BCAS3: variants seen among roughly 807,000 people sequenced by gnomAD.
BCAS3 encodes the protein BCAS4/BCAS3 fusion.
A neutral mutation model predicts 116.1 loss-of-function variants in BCAS3; 53 were observed. That is an observed-to-expected ratio of 0.46 (90% CI 0.37 to 0.57). BCAS3 has a LOEUF of 0.57. Ranked by LOEUF, BCAS3 falls within the 20% of genes least tolerant of loss-of-function variation. The pLI, the probability that BCAS3 is intolerant of heterozygous loss-of-function variation, is 0.00. For missense variants in BCAS3, 917 were observed against 1,165.4 expected, an observed-to-expected ratio of 0.79 and a Z score of 3.10; for synonymous variants, 391 against 408.2, an observed-to-expected ratio of 0.96 and a Z score of 0.51.
In BCAS3 at chr17:61,225,775, G is replaced by A. The variant is rs16945040; in HGVS notation, c.2425+141211G>A. Among the ~76,000 whole-genome samples the A allele has an allele frequency of 2.7e-3, 409 of 152,212 alleles. 3 individuals carry two copies. Among genetic ancestry groups the A allele is most frequent in the African/African-American group, 9.4e-3 (391 of 41,516 alleles). On this transcript the variant is annotated intron_variant, in intron 22 of 23. Coordinates refer to ENST00000407086, the MANE Select transcript of BCAS3 (RefSeq NM_017679.5). ...CTTAGGTGTCTTGTATTTGATGCAC[G>A]TGTAATCAGTTTACTCTCCCAGCTC...
At chr17:61,266,099 T>A (rs958654327) in intron 22 of BCAS3, among the ~76,000 whole-genome samples, 1 of 152,232 alleles carries the variant, frequency 6.6e-6, no homozygotes, top group Admixed American at 6.5e-5. Flanking sequence ...TTCATTAAAA[T>A]GATATCTCTT....
rs149205492 is a variant in BCAS3 at position 61,185,940 on chromosome 17, A to G, written c.2425+101376A>G. On this transcript the variant is annotated intron_variant, in intron 22 of 23. Coordinates refer to ENST00000407086, the MANE Select transcript of BCAS3 (RefSeq NM_017679.5). The stretch of plus-strand genomic sequence containing the variant: ...TCTTATCCTCAAGTTGAAAATACTG[A>G]CTAAGAAAATACAAAATATAAGAAA... 7.1e-3 allele frequency among the ~76,000 whole-genome samples: 1,087 copies of G among 152,264 alleles called. 9 individuals are homozygous for G. The highest frequency in any genetic ancestry group is 0.025 in the African/African-American group (1,030 of 41,534).
At chr17:60,710,525 G>A (rs1046773236) in intron 5 of BCAS3, among the ~76,000 whole-genome samples, 39 of 150,318 alleles carry the variant, frequency 2.6e-4, no homozygotes, top group African/African-American at 6.9e-4. Context: ...TCTGCCTCCC[G>A]GGTTAACGCC....
intron 12 of BCAS3, among the ~76,000 whole-genome samples, chr17:60,918,314 T>C (rs1350663740): frequency 6.6e-6 from 1 of 152,238 alleles, no homozygotes; most frequent in Non-Finnish European, 1.5e-5. Flanking sequence ...AAAAAATTGA[T>C]ACATAATATT....
At position 60,990,483 on chromosome 17, in the gene BCAS3, T is replaced by C. The variant is rs1002623891; in HGVS notation, c.1486+248T>C. 2.0e-5 allele frequency among the ~76,000 whole-genome samples: 3 copies of C among 152,256 alleles called. No individual in the cohort carries two copies. Among genetic ancestry groups the C allele is most frequent in the Admixed American group, 6.5e-5 (1 of 15,282 alleles). The stretch of plus-strand genomic sequence containing the variant: ...GATATTTGGTATCATATTTATGGAA[T>C]ATAAAACTTGGAACTATTTTTATAA... On this transcript the variant is annotated intron_variant, in intron 15 of 23. Transcript: ENST00000407086. The surrounding 1 kb of genome is among the most constrained non-coding windows in gnomAD (Gnocchi z 5.1).
chr17:61,280,152 G>A (rs1418042874), intron 22 of BCAS3, among the ~76,000 whole-genome samples: 1 of 152,202 alleles, frequency 6.6e-6, no homozygotes, highest in Non-Finnish European at 1.5e-5. Flanking sequence ...TGCCCAGAGA[G>A]AGGAAGTATT....
rs2055621729 is a variant in BCAS3 at position 61,325,086 on chromosome 17, C to A, written c.2426-43241C>A. Among the ~76,000 whole-genome samples, 2 of 152,168 alleles carry A rather than the reference C, an allele frequency of 1.3e-5. No individual in the cohort carries two copies. The highest frequency in any genetic ancestry group is 4.1e-4 in the South Asian group (2 of 4,828). ...TCCCACCATGCACAGTTAGCCTGGG[C>A]TTTAAAACCCCGCTCCCTCCACTGC... On this transcript the variant is annotated intron_variant, in intron 22 of 23. Coordinates refer to ENST00000407086, the MANE Select transcript of BCAS3 (RefSeq NM_017679.5). This position sits in a 1 kb window ranked among gnomAD's most constrained non-coding sequence, Gnocchi z 6.4.
In BCAS3 at chr17:61,265,226, C is replaced by T. The variant is rs1026021015; in HGVS notation, c.2426-103101C>T. 2.2e-4 allele frequency among the ~76,000 whole-genome samples: 34 copies of T among 152,174 alleles called. No individual in the cohort carries two copies. The highest frequency in any genetic ancestry group is 8.2e-4 in the African/African-American group (34 of 41,518). The stretch of plus-strand genomic sequence containing the variant: ...GTTGCGAGTTCAAGACCAGCCTGAC[C>T]AACATGGAGAAACCCTGTCTCTGCT... On this transcript the variant is annotated intron_variant, in intron 22 of 23. Transcript: ENST00000407086. This position sits in a 1 kb window ranked among gnomAD's most constrained non-coding sequence, Gnocchi z 4.3.
At position 61,222,182 on chromosome 17, in the gene BCAS3, T is replaced by C. The variant is rs1248736493; in HGVS notation, c.2425+137618T>C. The stretch of plus-strand genomic sequence containing the variant: ...GTGGCAGAATAAATAAGCCAAGATA[T>C]GAAATAATAGTGGGGAACTGTAAAG... On this transcript the variant is annotated intron_variant, in intron 22 of 23. Coordinates refer to ENST00000407086, the MANE Select transcript of BCAS3 (RefSeq NM_017679.5). The surrounding 1 kb of genome is among the most constrained non-coding windows in gnomAD (Gnocchi z 6.1). 1.3e-5 allele frequency among the ~76,000 whole-genome samples: 2 copies of C among 152,048 alleles called. No individual in the cohort carries two copies. Among genetic ancestry groups the C allele is most frequent in the African/African-American group, 2.4e-5 (1 of 41,384 alleles).
Position 61,229,077 on chromosome 17 carries a change from A to G in BCAS3, c.2426-139250A>G, listed in dbSNP as rs960555455. 6.6e-6 allele frequency among the ~76,000 whole-genome samples: 1 copy of G among 152,210 alleles called. No homozygotes were observed. Among genetic ancestry groups the G allele is most frequent in the Admixed American group, 6.5e-5 (1 of 15,284 alleles). On this transcript the variant is annotated intron_variant, in intron 22 of 23. Coordinates refer to ENST00000407086, the MANE Select transcript of BCAS3 (RefSeq NM_017679.5). The surrounding 1 kb of genome is among the most constrained non-coding windows in gnomAD (Gnocchi z 4.4). ...AGTTTTAGTTGTCTGGATGGCAGAT[A>G]AAACCAACCACAACATTTCTCAAAC...
intron 22 of BCAS3, among the ~76,000 whole-genome samples, chr17:61,273,366 G>A (rs547854312): frequency 1.3e-5 from 2 of 151,918 alleles, no homozygotes; most frequent in Admixed American, 6.6e-5. Context: ...ATATAATGCT[G>A]CATTTAAAAA....
At chr17:60,811,454 A>G in intron 7 of BCAS3, 1 of 585,052 alleles carries the variant, frequency 1.7e-6, no homozygotes, top group Non-Finnish European at 3.2e-6. Flanking sequence ...CAAAGTTCTG[A>G]GACATTAAGC....
chr17:60,709,454 ATC>A (rs1215524532), intron 5 of BCAS3, 129 bp downstream of exon 5: 1 of 569,952 alleles, frequency 1.8e-6, no homozygotes, highest in Admixed American at 3.2e-5. Flanking sequence ...CAGTGGTGCG[ATC>A]TCGGCTCACT....
At chr17:60,851,278 C>T (rs142789770) in intron 7 of BCAS3, 416 of 289,868 alleles carry the variant, frequency 1.4e-3, no homozygotes, top group African/African-American at 7.5e-3. Context: ...CTCAGCAGCT[C>T]GGGCTGCAGG....
chr17:61,026,729 C>T lies in BCAS3; in HGVS notation c.1638-7937C>T. 7 of 790,108 alleles carry T rather than the reference C, an allele frequency of 8.9e-6. No homozygotes were observed. Among genetic ancestry groups the T allele is most frequent in the Non-Finnish European group, 1.5e-5 (7 of 475,044 alleles). The allele number at this position is 790,108 out of a possible 1,614,324, so 48.9% of individuals were successfully genotyped here. On this transcript the variant is annotated intron_variant, in intron 16 of 23. Coordinates refer to ENST00000407086, the MANE Select transcript of BCAS3 (RefSeq NM_017679.5). This position sits in a 1 kb window ranked among gnomAD's most constrained non-coding sequence, Gnocchi z 5.0. ...TATTGGTTATATCAGACAGTATGTA[C>T]AGCAGAATTGTAAATGATTACTAAT...
At chr17:61,055,868 G>C (rs1024858477) in intron 19 of BCAS3, among the ~76,000 whole-genome samples, 1 of 152,088 alleles carries the variant, frequency 6.6e-6, no homozygotes, top group Admixed American at 6.5e-5. Context: ...CTTCATCTCT[G>C]ATTTTGCATT....
intron 5 of BCAS3, among the ~76,000 whole-genome samples, chr17:60,722,253 C>T (rs988807422): frequency 6.6e-6 from 1 of 152,004 alleles, no homozygotes; most frequent in African/African-American, 2.4e-5. Context: ...TTGACCTAGG[C>T]GTAGATTTAT....
intron 22 of BCAS3, among the ~76,000 whole-genome samples, chr17:61,191,856 C>T (rs1184636370): frequency 6.6e-6 from 1 of 151,582 alleles, no homozygotes; most frequent in African/African-American, 2.4e-5. Flanking sequence ...TGAAATGTAA[C>T]TCAGTAACAA....
chr17:61,147,544 AAGT>A (rs1299474127), intron 22 of BCAS3, among the ~76,000 whole-genome samples: 9 of 152,174 alleles, frequency 5.9e-5, no homozygotes, highest in African/African-American at 2.2e-4. Context: ...TCTTGTATCA[AAGT>A]AGCGCTAATA....
Sources: gnomAD v4.1 joint callset for allele counts (sites outside exome capture counted in the v4.1 genomes callset) on GRCh38, gnomAD v4.1.1 for gene constraint, Gnocchi (gnomAD v3.1) non-coding constraint, MANE v1.5 for transcripts, NCBI Gene and HGNC (gene_info 2026-07-23, HGNC 2026-07-21) for gene names.